CALB2: variants seen among roughly 807,000 people sequenced by gnomAD.
CALB2 encodes calbindin 2, also known as calretinin.
In CALB2, 34 loss-of-function variants were observed where a neutral mutation model predicts 45.9. The observed-to-expected ratio is 0.74, with a 90% CI of 0.56 to 0.99. The LOEUF (loss-of-function observed/expected upper bound fraction) is 0.99, where lower values mean the gene tolerates loss of function less well. CALB2 is among the 50% of genes least tolerant of loss of function. The pLI is 0.00. For synonymous variants in CALB2, 142 were observed against 129.6 expected (o/e 1.10, Z -0.65); for missense variants, 344 against 339.3 (o/e 1.01, Z -0.11).
intron 4 of CALB2, among the ~76,000 whole-genome samples, chr16:71,381,055 G>A (rs866614566): frequency 4.6e-5 from 7 of 152,326 alleles, no homozygotes; most frequent in Middle Eastern, 3.4e-3. Flanking sequence ...GATGGCTTGG[G>A]AAAGCAGCCG....
rs1257366061 is a variant in CALB2, at chr16:71,390,226, C to T, written c.*361C>T. 5.5e-6 allele frequency: 1 copy of T among 181,148 alleles called. No individual in the cohort carries two copies. Among genetic ancestry groups the T allele is most frequent in the South Asian group, 1.6e-4 (1 of 6,420 alleles). 11.2% of individuals were successfully genotyped at this position (181,148 alleles called of 1,614,324 possible). On this transcript the variant is annotated 3_prime_UTR_variant, in exon 11 of 11. Transcript: ENST00000302628. Reference sequence around the variant, plus strand: ...TCCCTCTCGCTCCCCTCTGCCGGTCCCCCATGCCACCACCCACCCCAAACT... The same window carrying T: ...TCCCTCTCGCTCCCCTCTGCCGGTCTCCCATGCCACCACCCACCCCAAACT...
At chr16:71,370,803 G>C (rs2042341807) in intron 1 of CALB2, among the ~76,000 whole-genome samples, 1 of 152,188 alleles carries the variant, frequency 6.6e-6, no homozygotes, top group Non-Finnish European at 1.5e-5. Flanking sequence ...AGCCCTGCCT[G>C]ATTTCCCACC....
In CALB2 at chr16:71,383,219, G is replaced by A. The variant is rs73571857; in HGVS notation, c.400-148G>A. ...TTAAAAGTCACTCCCCAAGAGTTAG[G>A]AATTATGAGGGCCCTGAGTCATAGA... On this transcript the variant is annotated intron_variant, in intron 5 of 10. Transcript: ENST00000302628. 9,530 of 770,428 alleles carry A rather than the reference G, an allele frequency of 0.012. 642 individuals are homozygous for A. The African/African-American group carries it at 0.15, about 12-fold the overall frequency. 47.7% of individuals were successfully genotyped at this position (770,428 alleles called of 1,614,324 possible).
At chr16:71,389,360 T>C (rs1300877800) in intron 10 of CALB2, among the ~76,000 whole-genome samples, 1 of 152,186 alleles carries the variant, frequency 6.6e-6, no homozygotes, top group Non-Finnish European at 1.5e-5. Context: ...AGGAAATATA[T>C]ACAAGTCATA....
chr16:71,362,901 C>T (rs1403929234), intron 1 of CALB2, among the ~76,000 whole-genome samples: 1 of 152,294 alleles, frequency 6.6e-6, no homozygotes, highest in East Asian at 1.9e-4. Flanking sequence ...GAAGGGAGGC[C>T]AGGCACAGTG....
chr16:71,385,208 C>T (rs1414469464), intron 9 of CALB2: 7 of 351,092 alleles, frequency 2.0e-5, no homozygotes, highest in Non-Finnish European at 3.7e-5. Context: ...ATCTCCATAC[C>T]CACCCCTCCC....
rs559273534 is a variant in CALB2 at position 71,390,208 on chromosome 16, C to G, written c.*343C>G. On this transcript the variant is annotated 3_prime_UTR_variant, in exon 11 of 11. Transcript: ENST00000302628. ...TCCAACAGAGTGGACTCTTCCCTCT[C>G]GCTCCCCTCTGCCGGTCCCCCATGC... is the stretch of plus-strand genomic sequence containing the variant. The G allele has an allele frequency of 5.1e-6, 1 of 197,440 alleles. No homozygotes were observed. Among genetic ancestry groups the G allele is most frequent in the Non-Finnish European group, 1.0e-5 (1 of 95,738 alleles). The allele number at this position is 197,440 out of a possible 1,614,324, so 12.2% of individuals were successfully genotyped here. A position where few individuals can be genotyped will look rare whatever the true frequency, so the allele number is the denominator to read the frequency against.
Position 71,372,264 on chromosome 16 carries a change from T to G in CALB2, c.171+35T>G, listed in dbSNP as rs2042360606. On this transcript the variant is annotated intron_variant, in intron 2 of 10. Coordinates refer to ENST00000302628, the MANE Select transcript of CALB2 (RefSeq NM_001740.5). ...GCCCTGTCTCCGATTGTGTGGGATT[T>G]TCCTGACCTATGCCTTTGAGCATGC... 3 of 1,506,894 alleles carry G rather than the reference T, an allele frequency of 2.0e-6. No individual in the cohort carries two copies. In the South Asian group the frequency reaches 3.4e-5, roughly 17 times the overall value. 93.3% of individuals were successfully genotyped at this position (1,506,894 alleles called of 1,614,324 possible).
chr16:71,374,762 C>A lies in CALB2; in HGVS notation c.189C>A (p.Asn63Lys). 1 of 1,613,022 alleles carries A rather than the reference C, an allele frequency of 6.2e-7. No homozygotes were observed. The highest frequency in any genetic ancestry group is 1.3e-5 in the African/African-American group (1 of 74,986). The change falls in exon 3 of 11, where the codon AAC becomes AAA. Residue 63 changes from asparagine (N) to lysine (K), a missense_variant. Asn to Lys is a moderately conservative substitution (Grantham distance 94). Transcript: ENST00000302628. ...TTCCACAGATGTCAAAGAGTGACAACTTTGGAGAAAAGATGAAGGAGTTCA... is the reference window on the plus strand; with the variant it reads ...TTCCACAGATGTCAAAGAGTGACAAATTTGGAGAAAAGATGAAGGAGTTCA... ...KGSGMMSKSD[N>K]FGEKMKEFMQ... is the part of the protein sequence containing the mutation.
Position 71,375,235 on chromosome 16 carries a change from C to T in CALB2, c.261+401C>T, listed in dbSNP as rs182366333. On this transcript the variant is annotated intron_variant, in intron 3 of 10. Transcript: ENST00000302628. ...CACACATATATACATTTATAATTCA[C>T]ATCAGTAATTTACATATATATACAT... 3.1e-3 allele frequency among the ~76,000 whole-genome samples: 465 copies of T among 152,320 alleles called. 5 individuals carry two copies. Among genetic ancestry groups the T allele is most frequent in the African/African-American group, 0.011 (444 of 41,576 alleles).
At chr16:71,376,669 CCA>C (rs1282121096) in intron 3 of CALB2, among the ~76,000 whole-genome samples, 3 of 152,014 alleles carry the variant, frequency 2.0e-5, no homozygotes, top group Non-Finnish European at 2.9e-5. Flanking sequence ...CCATATACAC[CCA>C]CATACAACCA....
intron 3 of CALB2, among the ~76,000 whole-genome samples, chr16:71,376,749 C>A (rs941845329): frequency 5.9e-5 from 9 of 151,660 alleles, no homozygotes; most frequent in African/African-American, 2.2e-4. Flanking sequence ...CCACACACAC[C>A]CCCATACAAC....
chr16:71,381,738 G>T (rs762788313), intron 4 of CALB2, among the ~76,000 whole-genome samples: 21 of 152,184 alleles, frequency 1.4e-4, no homozygotes, highest in Admixed American at 3.3e-4. Context: ...TAGGAGCCAG[G>T]CATGGTGGCT....
In CALB2 at chr16:71,377,750, G is replaced by A. The variant is rs779504574; in HGVS notation, c.342+3G>A. The A allele has an allele frequency of 3.1e-6, 5 of 1,611,498 alleles. No individual in the cohort carries two copies. The South Asian group carries it at 5.5e-5, about 18-fold the overall frequency. On this transcript the variant is annotated splice_donor_region_variant and intron_variant, in intron 4 of 10. Coordinates refer to ENST00000302628, the MANE Select transcript of CALB2 (RefSeq NM_001740.5). ...GCTCCAGCGCCGAGTTTATGGAGGT[G>A]AGGCCAAGGCACCACCTTCTTTCTA...
chr16:71,367,561 TG>T (rs2042302788), intron 1 of CALB2, among the ~76,000 whole-genome samples: 1 of 152,122 alleles, frequency 6.6e-6, no homozygotes, highest in East Asian at 1.9e-4. Flanking sequence ...GTGTCCCTTC[TG>T]GGCCCTGCAG....
Position 71,389,994 on chromosome 16 carries a change from A to C in CALB2, c.*129A>C. On this transcript the variant is annotated 3_prime_UTR_variant, in exon 11 of 11. Coordinates refer to ENST00000302628, the MANE Select transcript of CALB2 (RefSeq NM_001740.5). ...ACAGCCTGCACACACCTGCCTGCAGAGCAGGAAATGAGAGATAGAGGATGG... is the reference window on the plus strand; with the variant it reads ...ACAGCCTGCACACACCTGCCTGCAGCGCAGGAAATGAGAGATAGAGGATGG... 1.5e-6 allele frequency: 1 copy of C among 665,198 alleles called. No individual in the cohort carries two copies. Among genetic ancestry groups the C allele is most frequent in the South Asian group, 1.7e-5 (1 of 57,718 alleles). 41.2% of individuals were successfully genotyped at this position (665,198 alleles called of 1,614,324 possible). A position where few individuals can be genotyped will look rare whatever the true frequency, so the allele number is the denominator to read the frequency against.
rs576752130 is a variant in CALB2 at position 71,386,207 on chromosome 16, C to T, written c.699+559C>T. On this transcript the variant is annotated intron_variant, in intron 10 of 10. Transcript: ENST00000302628. ...TTTTTAAAGCTGAATAATGCTGCAT[C>T]GTATAAATATACCACATTTTGTTTA... Among the ~76,000 whole-genome samples, 6 of 152,312 alleles carry T rather than the reference C, an allele frequency of 3.9e-5. 1 individual carries two copies. The highest frequency in any genetic ancestry group is 3.9e-4 in the East Asian group (2 of 5,188).
intron 3 of CALB2, among the ~76,000 whole-genome samples, chr16:71,375,878 C>A (rs2042406172): frequency 6.6e-6 from 1 of 152,210 alleles, no homozygotes; most frequent in Admixed American, 6.5e-5. Context: ...TGCAGGCTGC[C>A]CCTCTTTGGG....
intron 2 of CALB2, among the ~76,000 whole-genome samples, chr16:71,374,311 A>G (rs1344473088): frequency 1.3e-5 from 2 of 152,182 alleles, no homozygotes; most frequent in Non-Finnish European, 2.9e-5. Flanking sequence ...AAAATGAGCA[A>G]TCTACCTTGC....
Sources: allele counts gnomAD v4.1 joint callset (sites outside exome capture counted in the v4.1 genomes callset), GRCh38; gene constraint gnomAD v4.1.1; transcripts MANE v1.5; gene names NCBI Gene and HGNC (gene_info 2026-07-23, HGNC 2026-07-21).